The following CCDC60 variants were observed in gnomAD, a reference collection of about 807,000 sequenced individuals.
CCDC60 encodes coiled-coil domain containing 60.
A neutral mutation model predicts 63.5 loss-of-function variants in CCDC60; 54 were observed. That is an observed-to-expected ratio of 0.85 (90% CI 0.68 to 1.07). The LOEUF (loss-of-function observed/expected upper bound fraction) is 1.07, where lower values mean the gene tolerates loss of function less well. CCDC60 is among the 50% of genes least tolerant of loss of function. The pLI is 0.00. For missense variants in CCDC60, 651 were observed against 684.3 expected, an observed-to-expected ratio of 0.95 and a Z score of 0.54; for synonymous variants, 206 against 238.8, an observed-to-expected ratio of 0.86 and a Z score of 1.27.
At chr12:119,405,581 A>G (rs1171518500) in intron 1 of CCDC60, among the ~76,000 whole-genome samples, 1 of 152,170 alleles carries the variant, frequency 6.6e-6, no homozygotes, top group Non-Finnish European at 1.5e-5. Flanking sequence ...AATATCATCA[A>G]AAATCTTCTG....
At chr12:119,363,886 G>C (rs1955815269) in intron 1 of CCDC60, among the ~76,000 whole-genome samples, 1 of 152,176 alleles carries the variant, frequency 6.6e-6, no homozygotes, top group South Asian at 2.1e-4. Context: ...GTTGTTTGGG[G>C]TTTGGGATTT....
intron 2 of CCDC60, among the ~76,000 whole-genome samples, chr12:119,430,640 C>G (rs996909139): frequency 3.0e-5 from 4 of 133,760 alleles, no homozygotes; most frequent in Non-Finnish European, 6.1e-5. Context: ...GCACTCCAGC[C>G]TGGGCAACAC....
rs751707973 is a variant in CCDC60 at position 119,528,586 on chromosome 12, TTC to T, written c.1230-21_1230-20del. The T allele has an allele frequency of 4.4e-6, 7 of 1,599,438 alleles. No individual in the cohort carries two copies. In the Admixed American group the frequency reaches 8.6e-5, roughly 20 times the overall value. ...GTTACAGGAGGAGGGGATCTCATTCTTCTCTCTCTTTCTCATACAACCTTGTA... is the reference window on the plus strand; with the variant it reads ...GTTACAGGAGGAGGGGATCTCATTCTTCTCTCTTTCTCATACAACCTTGTA... On this transcript the variant is annotated intron_variant, in intron 11 of 13. Transcript: ENST00000327554.
At position 119,361,411 on chromosome 12, in the gene CCDC60, A is replaced by G. The variant is rs529609666; in HGVS notation, c.90+26145A>G. Among the ~76,000 whole-genome samples the G allele has an allele frequency of 7.2e-5, 11 of 152,178 alleles. No individual in the cohort carries two copies. The South Asian group carries it at 2.3e-3, about 32-fold the overall frequency. On this transcript the variant is annotated intron_variant, in intron 1 of 13. Coordinates refer to ENST00000327554, the MANE Select transcript of CCDC60 (RefSeq NM_178499.5). Reference sequence around the variant, plus strand: ...GAATCTGCCTATATTCATTGTCTCTATTTCCATTTGTGATGGTTTCATTCT... The same window carrying G: ...GAATCTGCCTATATTCATTGTCTCTGTTTCCATTTGTGATGGTTTCATTCT...
chr12:119,412,133 T>A (rs747673652), intron 1 of CCDC60, among the ~76,000 whole-genome samples: 21 of 152,334 alleles, frequency 1.4e-4, no homozygotes, highest in Non-Finnish European at 2.4e-4. Flanking sequence ...GTAGAATTCA[T>A]ATCCCAGCAT....
At chr12:119,509,076 C>G (rs1952137008) in intron 7 of CCDC60, among the ~76,000 whole-genome samples, 1 of 152,112 alleles carries the variant, frequency 6.6e-6, no homozygotes, top group Non-Finnish European at 1.5e-5. Flanking sequence ...GGCCACCTTC[C>G]TCTCACATCC....
chr12:119,383,079 C>G (rs1956024820), intron 1 of CCDC60, among the ~76,000 whole-genome samples: 1 of 152,118 alleles, frequency 6.6e-6, no homozygotes, highest in Admixed American at 6.5e-5. Flanking sequence ...AATAATTGAT[C>G]AAAAGTCTGG....
At chr12:119,472,219 T>G in intron 3 of CCDC60, 55 bp downstream of exon 3, 1 of 1,546,632 alleles carries the variant, frequency 6.5e-7, no homozygotes, top group Non-Finnish European at 8.9e-7. Flanking sequence ...CCATTGAGAG[T>G]GAACCCTGCC....
chr12:119,440,652 A>G (rs1950425415), intron 2 of CCDC60, among the ~76,000 whole-genome samples: 1 of 152,178 alleles, frequency 6.6e-6, no homozygotes, highest in South Asian at 2.1e-4. Flanking sequence ...GTTTGTGTGC[A>G]GGGGTTTACC....
Position 119,495,694 on chromosome 12 carries a change from C to A in CCDC60, c.558-4384C>A, listed in dbSNP as rs376309014. Among the ~76,000 whole-genome samples the A allele has an allele frequency of 6.6e-5, 10 of 152,250 alleles. No individual in the cohort carries two copies. The East Asian group carries it at 9.6e-4, about 15-fold the overall frequency. ...TTTTCCCTTATCTTGTGGTACTCCT[C>A]CCCCCACAACCAAGAAAATCTCACT... On this transcript the variant is annotated intron_variant, in intron 5 of 13. Coordinates refer to ENST00000327554, the MANE Select transcript of CCDC60 (RefSeq NM_178499.5).
At chr12:119,419,194 A>G (rs1473716854) in intron 1 of CCDC60, among the ~76,000 whole-genome samples, 1 of 152,116 alleles carries the variant, frequency 6.6e-6, no homozygotes, top group Non-Finnish European at 1.5e-5. Flanking sequence ...TTTCTCTTTC[A>G]TGGGCTTACC....
intron 1 of CCDC60, among the ~76,000 whole-genome samples, chr12:119,364,027 C>A (rs1285829997): frequency 6.6e-6 from 1 of 152,136 alleles, no homozygotes; most frequent in African/African-American, 2.4e-5. Context: ...TTCGAAAATA[C>A]GATCCTTGTA....
At chr12:119,478,295 A>G (rs777964326) in intron 3 of CCDC60, among the ~76,000 whole-genome samples, 93 of 152,190 alleles carry the variant, frequency 6.1e-4, no homozygotes, top group Non-Finnish European at 1.0e-3. Context: ...AGCCTGGGTG[A>G]CAGTGAGATT....
At chr12:119,522,153 G>T (rs769754240) in intron 9 of CCDC60, among the ~76,000 whole-genome samples, 2 of 152,198 alleles carry the variant, frequency 1.3e-5, no homozygotes, top group Non-Finnish European at 2.9e-5. Flanking sequence ...AGATAAAGTG[G>T]TCAGACAGTT....
rs745410813 is a variant in CCDC60, at chr12:119,472,126, A to C, written c.303A>C (p.Glu101Asp). 2.5e-6 allele frequency: 4 copies of C among 1,614,106 alleles called. No homozygotes were observed. The African/African-American group carries it at 5.3e-5, about 22-fold the overall frequency. Residue 101 changes from glutamate to aspartate, a missense_variant, in exon 3 of 14, where the codon GAA becomes GAC. Physicochemically the swap from Glu to Asp is conservative, Grantham distance 45. Transcript: ENST00000327554. Reference protein sequence around the residue: ...EEERNKFQPAEKISEIHYGDT... With the variant: ...EEERNKFQPADKISEIHYGDT... Reference sequence around the variant, plus strand: ...AAAGAAATAAATTCCAGCCAGCCGAAAAGATCTCAGAAATCCACTATGGGG... The same window carrying C: ...AAAGAAATAAATTCCAGCCAGCCGACAAGATCTCAGAAATCCACTATGGGG...
At chr12:119,406,096 G>A (rs547173707) in intron 1 of CCDC60, among the ~76,000 whole-genome samples, 2 of 152,156 alleles carry the variant, frequency 1.3e-5, no homozygotes, top group East Asian at 1.9e-4. Flanking sequence ...GCTTGAACCC[G>A]GGAGGCAGAG....
At chr12:119,342,548 C>G (rs1955543446) in intron 1 of CCDC60, among the ~76,000 whole-genome samples, 1 of 152,182 alleles carries the variant, frequency 6.6e-6, no homozygotes, top group South Asian at 2.1e-4. Context: ...AAAAAGGAGT[C>G]ATCCCTATCC....
At chr12:119,457,716 C>CGGG (rs144305914) in intron 2 of CCDC60, among the ~76,000 whole-genome samples, 133 of 150,428 alleles carry the variant, frequency 8.8e-4, no homozygotes, top group Non-Finnish European at 1.4e-3. Context: ...TGGTGGTTGG[C>CGGG]GGGGGGGAGA....
intron 1 of CCDC60, among the ~76,000 whole-genome samples, chr12:119,372,164 G>A (rs1236084903): frequency 1.3e-5 from 2 of 152,158 alleles, no homozygotes; most frequent in Non-Finnish European, 2.9e-5. Flanking sequence ...GGAGGCTGAG[G>A]CAGGAGAATT....
Sources: gnomAD v4.1 joint callset for allele counts (sites outside exome capture counted in the v4.1 genomes callset) on GRCh38, gnomAD v4.1.1 for gene constraint, MANE v1.5 for transcripts, NCBI Gene and HGNC (gene_info 2026-07-23, HGNC 2026-07-21) for gene names.